The following BRAF variants were observed in gnomAD, a reference collection of about 807,000 sequenced individuals.
The protein encoded by BRAF is B-Raf proto-oncogene, serine/threonine kinase, also known as serine/threonine-protein kinase B-raf.
In BRAF, 16 loss-of-function variants were observed where a neutral mutation model predicts 104.6. The observed-to-expected ratio is 0.15, with a 90% confidence interval of 0.10 to 0.23. The LOEUF is 0.23. BRAF is among the 10% of genes least tolerant of loss of function. BRAF has a pLI of 1.00. For synonymous variants in BRAF, 310 were observed against 341.6 expected (o/e 0.91, Z 1.02); for missense variants, 541 against 937.3 (o/e 0.58, Z 5.52).
chr7:140,838,195 A>C (rs915049129), intron 2 of BRAF, among the ~76,000 whole-genome samples: 3 of 152,184 alleles, frequency 2.0e-5, no homozygotes, highest in Admixed American at 1.3e-4. Flanking sequence ...GTCTAATTCT[A>C]AGCTCTCTTT....
At chr7:140,906,731 T>G (rs1816368984) in intron 1 of BRAF, among the ~76,000 whole-genome samples, 1 of 152,356 alleles carries the variant, frequency 6.6e-6, no homozygotes, top group East Asian at 1.9e-4. Flanking sequence ...TACAGAATTC[T>G]AGATTGGCAG....
At chr7:140,821,551 G>A (rs1017254793) in intron 3 of BRAF, among the ~76,000 whole-genome samples, 5 of 151,644 alleles carry the variant, frequency 3.3e-5, no homozygotes, top group Admixed American at 3.3e-4. Flanking sequence ...TGATCCTCCC[G>A]CCTCAACCTC....
chr7:140,734,059 C>T, intron 19 of BRAF: 4 of 1,038,326 alleles, frequency 3.9e-6, no homozygotes, highest in Non-Finnish European at 4.6e-6. Context: ...TAAAAGACAT[C>T]CACATTTTCC....
At chr7:140,907,384 C>G (rs756200345) in intron 1 of BRAF, among the ~76,000 whole-genome samples, 6 of 152,000 alleles carry the variant, frequency 3.9e-5, no homozygotes, top group Non-Finnish European at 7.4e-5. Flanking sequence ...GCCTCAGCCT[C>G]CCGAATAGCT....
intron 12 of BRAF, among the ~76,000 whole-genome samples, chr7:140,779,540 C>T (rs1394456408): frequency 6.6e-6 from 1 of 152,168 alleles, no homozygotes; most frequent in Non-Finnish European, 1.5e-5. Flanking sequence ...CTAATCCAAA[C>T]ATATGAAATC....
rs1272314566 is a variant in BRAF, at chr7:140,722,533, T to C, written c.*3961A>G. 2 of 1,057,152 alleles carry C rather than the reference T, an allele frequency of 1.9e-6. No homozygotes were observed. The highest frequency in any genetic ancestry group is 3.3e-5 in the African/African-American group (2 of 60,652). 65.5% of individuals were successfully genotyped at this position (1,057,152 alleles called of 1,614,324 possible). On this transcript the variant is annotated 3_prime_UTR_variant, in exon 20 of 20. Transcript: ENST00000644969. ...AGCTATTTGCTGTTCATACTCACAG[T>C]AAACCTTCCATCTCTGGCTATGGTG...
At chr7:140,842,003 G>A (rs1808019297) in intron 2 of BRAF, among the ~76,000 whole-genome samples, 1 of 152,058 alleles carries the variant, frequency 6.6e-6, no homozygotes, top group Non-Finnish European at 1.5e-5. Flanking sequence ...ACTCTCACAA[G>A]ATACAATGAA....
At chr7:140,819,032 A>G (rs1448699544) in intron 3 of BRAF, among the ~76,000 whole-genome samples, 1 of 152,072 alleles carries the variant, frequency 6.6e-6, no homozygotes, top group Non-Finnish European at 1.5e-5. Flanking sequence ...TGTTATCTCC[A>G]CTTCTTTCTC....
chr7:140,768,192 CTTT>C (rs1799509984), intron 14 of BRAF, among the ~76,000 whole-genome samples: 1 of 152,116 alleles, frequency 6.6e-6, no homozygotes, highest in African/African-American at 2.4e-5. Flanking sequence ...ATTACTGGTG[CTTT>C]TTATTTATGT....
At chr7:140,860,478 A>G (rs1053726468) in intron 1 of BRAF, among the ~76,000 whole-genome samples, 4 of 148,070 alleles carry the variant, frequency 2.7e-5, no homozygotes, top group Non-Finnish European at 5.9e-5. Context: ...AAAAAAAAAA[A>G]AAAGAAAAAA....
chr7:140,878,326 C>G (rs1406476937), intron 1 of BRAF, among the ~76,000 whole-genome samples: 2 of 151,724 alleles, frequency 1.3e-5, no homozygotes, highest in Non-Finnish European at 2.9e-5. Context: ...CAGAAGAAAA[C>G]ATAGGGGTAA....
At chr7:140,756,755 A>G (rs927038163) in intron 14 of BRAF, among the ~76,000 whole-genome samples, 1 of 152,220 alleles carries the variant, frequency 6.6e-6, no homozygotes, top group Non-Finnish European at 1.5e-5. Context: ...GAAAGAACAA[A>G]TATGCTATCA....
intron 18 of BRAF, among the ~76,000 whole-genome samples, chr7:140,738,676 G>T (rs1034446343): frequency 6.6e-6 from 1 of 152,114 alleles, no homozygotes; most frequent in African/African-American, 2.4e-5. Flanking sequence ...GAATGCAGTG[G>T]TGTCATCTCA....
intron 3 of BRAF, among the ~76,000 whole-genome samples, chr7:140,826,590 A>C (rs960477932): frequency 3.0e-4 from 45 of 152,332 alleles, no homozygotes; most frequent in Non-Finnish European, 5.4e-4. Context: ...CTAAAGCATC[A>C]GGAAATGTCC....
chr7:140,814,744 T>TTATATATA (rs1804647401), intron 3 of BRAF, among the ~76,000 whole-genome samples: 3 of 139,042 alleles, frequency 2.2e-5, no homozygotes, highest in African/African-American at 8.9e-5. Flanking sequence ...ATAATTTATA[T>TTATATATA]ACAATATATA....
Position 140,721,625 on chromosome 7 carries a change from G to A in BRAF, c.*4869C>T. The stretch of plus-strand genomic sequence containing the variant: ...GCCAAGCTACAAATCATCACCTGAG[G>A]CAGAGATGCTACTACCCTCTTCTGG... On this transcript the variant is annotated 3_prime_UTR_variant, in exon 20 of 20. Coordinates refer to ENST00000644969, the MANE Select transcript of BRAF (RefSeq NM_001374258.1). The A allele has an allele frequency of 6.5e-7, 1 of 1,535,692 alleles. No individual in the cohort carries two copies. The highest frequency in any genetic ancestry group is 1.2e-5 in the South Asian group (1 of 83,878).
intron 6 of BRAF, 162 bp downstream of exon 6, chr7:140,801,250 T>C: frequency 4.4e-6 from 3 of 687,192 alleles, no homozygotes; most frequent in Non-Finnish European, 7.4e-6. Flanking sequence ...AGAGAAATAC[T>C]GTCCATTCCA....
chr7:140,883,297 A>G (rs113099278), intron 1 of BRAF, among the ~76,000 whole-genome samples: 1,834 of 152,228 alleles, frequency 0.012, 34 homozygotes, highest in African/African-American at 0.041. Context: ...ATATGACACC[A>G]CATGTTCTCC....
chr7:140,847,908 C>T (rs990988940), intron 2 of BRAF, among the ~76,000 whole-genome samples: 1 of 152,022 alleles, frequency 6.6e-6, no homozygotes, highest in African/African-American at 2.4e-5. Flanking sequence ...TGTGTATATG[C>T]ATACCTTTGC....
Sources: allele counts gnomAD v4.1 joint callset (sites outside exome capture counted in the v4.1 genomes callset), GRCh38; gene constraint gnomAD v4.1.1; transcripts MANE v1.5; gene names NCBI Gene and HGNC (gene_info 2026-07-23, HGNC 2026-07-21).